The following ZBTB16 variants were observed in gnomAD, a reference collection of about 807,000 sequenced individuals.
ZBTB16 encodes zinc finger and BTB domain containing 16, also known as zinc finger and BTB domain-containing protein 16.
A neutral mutation model predicts 56.8 loss-of-function variants in ZBTB16; 8 were observed. The ratio of observed to expected loss-of-function variants is 0.14; its 90% CI spans 0.08 to 0.25. The LOEUF (loss-of-function observed/expected upper bound fraction) is 0.25, where lower values mean the gene tolerates loss of function less well. ZBTB16 is among the 10% of genes least tolerant of loss of function. The pLI is 1.00. For synonymous variants in ZBTB16, 363 were observed against 368.5 expected, an observed-to-expected ratio of 0.98 and a Z score of 0.17; for missense variants, 625 against 903.0, an observed-to-expected ratio of 0.69 and a Z score of 3.95.
rs528239135 is a variant in ZBTB16, at chr11:114,076,045, C to T, written c.1268+11477C>T. On this transcript the variant is annotated intron_variant, in intron 2 of 6. Coordinates refer to ENST00000335953, the MANE Select transcript of ZBTB16 (RefSeq NM_006006.6). ...CTGGCAAATGGATGCGTTACTTTTG[C>T]TGCTGTTGCTGCCGCTGCCGTTTTA... Among the ~76,000 whole-genome samples, 5 of 152,208 alleles carry T rather than the reference C, an allele frequency of 3.3e-5. No individual in the cohort carries two copies. The South Asian group carries it at 1.0e-3, about 32-fold the overall frequency.
intron 2 of ZBTB16, among the ~76,000 whole-genome samples, chr11:114,105,283 C>T (rs1940750540): frequency 6.6e-6 from 1 of 151,830 alleles, no homozygotes; most frequent in Admixed American, 6.6e-5. Context: ...CTCTGTCACC[C>T]AGGCTGGAAT....
chr11:114,139,712 C>T (rs568031278), intron 2 of ZBTB16, among the ~76,000 whole-genome samples: 1 of 150,152 alleles, frequency 6.7e-6, no homozygotes, highest in African/African-American at 2.5e-5. Flanking sequence ...CATCTTCTTG[C>T]CTTTTTGGCA....
intron 4 of ZBTB16, among the ~76,000 whole-genome samples, chr11:114,241,889 C>T (rs971220859): frequency 6.6e-6 from 1 of 152,136 alleles, no homozygotes. Flanking sequence ...ACATACCACC[C>T]GACACAGTTG....
intron 2 of ZBTB16, chr11:114,121,814 G>A (rs75138588): frequency 4.4e-6 from 2 of 455,764 alleles, no homozygotes; most frequent in Non-Finnish European, 8.8e-6. Context: ...TACTCTCAAT[G>A]CAGGGTCTTC....
chr11:114,074,842 G>C (rs1443384157), intron 2 of ZBTB16, among the ~76,000 whole-genome samples: 1 of 152,244 alleles, frequency 6.6e-6, no homozygotes, highest in East Asian at 1.9e-4. Context: ...CCCTGTGCAG[G>C]ATGCTTGGGA....
At chr11:114,136,537 C>A (rs1450788696) in intron 2 of ZBTB16, among the ~76,000 whole-genome samples, 1 of 152,080 alleles carries the variant, frequency 6.6e-6, no homozygotes, top group Non-Finnish European at 1.5e-5. Flanking sequence ...GAGAGCTGTT[C>A]CCCCTACTAT....
At chr11:114,181,284 C>T (rs1261088713) in intron 3 of ZBTB16, among the ~76,000 whole-genome samples, 1 of 152,224 alleles carries the variant, frequency 6.6e-6, no homozygotes, top group African/African-American at 2.4e-5. Flanking sequence ...GGATGGAGCA[C>T]TTTCCCCACC....
chr11:114,192,339 C>T (rs591242), intron 4 of ZBTB16, among the ~76,000 whole-genome samples: 89,554 of 151,994 alleles, frequency 0.59, 26,925 homozygotes, highest in African/African-American at 0.69. Context: ...CAGATAGTCA[C>T]AGGTCAGCCC....
At chr11:114,163,584 G>C (rs1448614128) in intron 3 of ZBTB16, among the ~76,000 whole-genome samples, 1 of 152,078 alleles carries the variant, frequency 6.6e-6, no homozygotes, top group African/African-American at 2.4e-5. Context: ...AGTCAGGCCA[G>C]CTGAACCGAG....
chr11:114,105,119 G>T (rs1940741992), intron 2 of ZBTB16, among the ~76,000 whole-genome samples: 1 of 152,140 alleles, frequency 6.6e-6, no homozygotes, highest in South Asian at 2.1e-4. Context: ...AGTTCCTCCT[G>T]TTAACTAACC....
At chr11:114,192,370 G>A (rs967195118) in intron 4 of ZBTB16, among the ~76,000 whole-genome samples, 1 of 152,162 alleles carries the variant, frequency 6.6e-6, no homozygotes, top group Non-Finnish European at 1.5e-5. Flanking sequence ...GCGGTGGAAG[G>A]CTGGACTCTC....
At chr11:114,137,504 G>A (rs1445024616) in intron 2 of ZBTB16, among the ~76,000 whole-genome samples, 1 of 152,214 alleles carries the variant, frequency 6.6e-6, no homozygotes, top group Non-Finnish European at 1.5e-5. Context: ...GTGACACAAT[G>A]TGGATGTTCC....
At chr11:114,217,753 G>A (rs1944138447) in intron 4 of ZBTB16, among the ~76,000 whole-genome samples, 1 of 152,148 alleles carries the variant, frequency 6.6e-6, no homozygotes. Flanking sequence ...TGAGTTAAGG[G>A]CAGAACACCA....
rs1944720403 is a variant in ZBTB16, at chr11:114,242,201, G to A, written c.1488G>A (p.Gly496=). 4 of 1,613,800 alleles carry A rather than the reference G, an allele frequency of 2.5e-6. No individual in the cohort carries two copies. The East Asian group carries it at 8.9e-5, about 36-fold the overall frequency. The part of the protein sequence containing the change: ...TDMAVFCLLC[G]KRFQAQSALQ... ...TGGCCGTCTTCTGTCTGCTGTGTGG[G>A]AAGCGCTTCCAGGCGCAGAGCGCAC... The change falls in exon 5 of 7, where the codon GGG becomes GGA. Residue 496 remains glycine, a synonymous_variant. Coordinates refer to ENST00000335953, the MANE Select transcript of ZBTB16 (RefSeq NM_006006.6).
intron 4 of ZBTB16, among the ~76,000 whole-genome samples, chr11:114,212,559 C>T (rs1944018018): frequency 6.6e-6 from 1 of 152,226 alleles, no homozygotes; most frequent in Admixed American, 6.5e-5. Flanking sequence ...GGTGAAAAGA[C>T]TTCGCTATAG....
intron 2 of ZBTB16, among the ~76,000 whole-genome samples, chr11:114,132,874 G>C (rs893958317): frequency 1.1e-4 from 16 of 152,060 alleles, no homozygotes; most frequent in African/African-American, 3.9e-4. Flanking sequence ...AGGGGGTCTA[G>C]ATGTGTCTCC....
chr11:114,127,934 C>G (rs1389522251), intron 2 of ZBTB16, among the ~76,000 whole-genome samples: 1 of 152,118 alleles, frequency 6.6e-6, no homozygotes, highest in Non-Finnish European at 1.5e-5. Context: ...TGCCGTCTCC[C>G]CCTTGGAAGG....
At chr11:114,166,946 A>G (rs1942773973) in intron 3 of ZBTB16, among the ~76,000 whole-genome samples, 1 of 152,152 alleles carries the variant, frequency 6.6e-6, no homozygotes, top group Non-Finnish European at 1.5e-5. Context: ...TTTCATATGA[A>G]TGATTCTGTG....
intron 2 of ZBTB16, among the ~76,000 whole-genome samples, chr11:114,065,538 T>C (rs1393215722): frequency 1.3e-5 from 2 of 152,178 alleles, no homozygotes; most frequent in Non-Finnish European, 2.9e-5. Context: ...TGCCTCAGCC[T>C]CCCGAGTAGC....
Sources: allele counts gnomAD v4.1 joint callset (sites outside exome capture counted in the v4.1 genomes callset), GRCh38; gene constraint gnomAD v4.1.1; transcripts MANE v1.5; gene names NCBI Gene and HGNC (gene_info 2026-07-23, HGNC 2026-07-21).